ADARB2: variants seen among roughly 807,000 people sequenced by gnomAD.
ADARB2 encodes inactive double-stranded RNA-specific editase B2.
ADARB2 carries 25 observed loss-of-function variants against 62.2 expected under a neutral mutation model. That is an observed-to-expected ratio of 0.40 (90% confidence interval 0.29 to 0.56). The LOEUF (loss-of-function observed/expected upper bound fraction) is 0.56. Ranked by LOEUF, ADARB2 falls within the 20% of genes least tolerant of loss-of-function variation. ADARB2 has a pLI of 0.43. For synonymous variants in ADARB2, 572 were observed against 500.8 expected (o/e 1.14, Z -1.90); for missense variants, 1,071 against 1,077.4 (o/e 0.99, Z 0.08).
At chr10:1,476,060 G>A (rs539503171) in intron 1 of ADARB2, among the ~76,000 whole-genome samples, 7 of 152,284 alleles carry the variant, frequency 4.6e-5, no homozygotes, top group Non-Finnish European at 8.8e-5. Context: ...GCATTTTGAA[G>A]GTGGGAAATT....
chr10:1,359,195 G>A (rs1193218282), intron 3 of ADARB2, among the ~76,000 whole-genome samples: 1 of 152,072 alleles, frequency 6.6e-6, no homozygotes, highest in Non-Finnish European at 1.5e-5. Flanking sequence ...GAGCATGAGG[G>A]GTTTGCAATG....
chr10:1,519,621 CGGGCCCTACCTTT>C (rs925728144), intron 1 of ADARB2, among the ~76,000 whole-genome samples: 1 of 152,134 alleles, frequency 6.6e-6, no homozygotes, highest in Admixed American at 6.5e-5. Flanking sequence ...CTGTCAGCCC[CGGGCCCTACCTTT>C]GGGTCCGTTT....
chr10:1,449,494 C>T (rs1241622710), intron 1 of ADARB2, among the ~76,000 whole-genome samples: 2 of 152,252 alleles, frequency 1.3e-5, no homozygotes, highest in Non-Finnish European at 1.5e-5. Flanking sequence ...GTGACTTCTG[C>T]TTCCTCTCCC....
chr10:1,266,666 C>T (rs1207444973), intron 4 of ADARB2, among the ~76,000 whole-genome samples: 1 of 152,102 alleles, frequency 6.6e-6, no homozygotes, highest in Non-Finnish European at 1.5e-5. Flanking sequence ...ACCAGTCTAA[C>T]GTCTCGTTCA....
At chr10:1,657,696 C>T (rs543565159) in intron 1 of ADARB2, among the ~76,000 whole-genome samples, 16 of 152,294 alleles carry the variant, frequency 1.1e-4, no homozygotes, top group Non-Finnish European at 1.8e-4. Context: ...TCCTCTAAGC[C>T]GAGCGCAGGG....
At chr10:1,199,846 A>G in intron 8 of ADARB2, 120 bp downstream of exon 8, 2 of 1,109,932 alleles carry the variant, frequency 1.8e-6, no homozygotes, top group Non-Finnish European at 2.5e-6. Flanking sequence ...TGCCCATTAA[A>G]TCCTAAATTG....
At chr10:1,332,276 C>T (rs113728369) in intron 3 of ADARB2, among the ~76,000 whole-genome samples, 2 of 151,988 alleles carry the variant, frequency 1.3e-5, no homozygotes, top group Admixed American at 6.6e-5. Flanking sequence ...CGGTGGTGGA[C>T]GTCTATAGTC....
At chr10:1,214,536 G>A (rs2131752282) in intron 7 of ADARB2, among the ~76,000 whole-genome samples, 1 of 152,102 alleles carries the variant, frequency 6.6e-6, no homozygotes, top group African/African-American at 2.4e-5. Flanking sequence ...GCGTGGGTTT[G>A]CACCTGTGCC....
intron 1 of ADARB2, among the ~76,000 whole-genome samples, chr10:1,572,202 A>T (rs1019656493): frequency 5.5e-5 from 8 of 146,562 alleles, no homozygotes; most frequent in African/African-American, 1.8e-4. Flanking sequence ...TGTGCTGGTG[A>T]GTGTGCAGGT....
chr10:1,536,908 A>G (rs1832339752), intron 1 of ADARB2, among the ~76,000 whole-genome samples: 1 of 152,218 alleles, frequency 6.6e-6, no homozygotes, highest in Non-Finnish European at 1.5e-5. Context: ...ATGGGCAAAG[A>G]CTTCATGACG....
Position 1,546,547 on chromosome 10 carries a change from C to A in ADARB2, c.101-167387G>T, listed in dbSNP as rs576883602. Among the ~76,000 whole-genome samples the A allele has an allele frequency of 7.1e-4, 108 of 152,366 alleles. 1 individual carries two copies. The highest frequency in any genetic ancestry group is 1.3e-3 in the Non-Finnish European group (91 of 68,024). On this transcript the variant is annotated intron_variant, in intron 1 of 9. Coordinates refer to ENST00000381312, the MANE Select transcript of ADARB2 (RefSeq NM_018702.4). ...CTGTGGCTCTCCAATCACAACACTG[C>A]CACCACAAGTCACTGGAGAAGGGGC...
intron 1 of ADARB2, among the ~76,000 whole-genome samples, chr10:1,603,691 ATCTT>A (rs1833459582): frequency 8.3e-6 from 1 of 120,294 alleles, no homozygotes; most frequent in African/African-American, 2.7e-5. Flanking sequence ...TAGAGCTGTG[ATCTT>A]TTTTTTTTTT....
intron 2 of ADARB2, among the ~76,000 whole-genome samples, chr10:1,364,873 T>A (rs1188781406): frequency 8.2e-3 from 53 of 6,434 alleles, no homozygotes; most frequent in Admixed American, 0.016. Flanking sequence ...TTTTGGTAAT[T>A]TTTTTTTTTT....
chr10:1,455,120 T>G (rs1319111602), intron 1 of ADARB2, among the ~76,000 whole-genome samples: 1 of 152,206 alleles, frequency 6.6e-6, no homozygotes, highest in Non-Finnish European at 1.5e-5. Flanking sequence ...ACAGTTTATT[T>G]ACAGGCAAAG....
At chr10:1,385,582 T>C (rs1035771712) in intron 1 of ADARB2, among the ~76,000 whole-genome samples, 5 of 151,220 alleles carry the variant, frequency 3.3e-5, no homozygotes, top group African/African-American at 1.2e-4. Context: ...ATAGAAACAA[T>C]CAAAACTAAG....
intron 1 of ADARB2, among the ~76,000 whole-genome samples, chr10:1,440,795 T>G (rs915539315): frequency 1.3e-5 from 2 of 152,202 alleles, no homozygotes; most frequent in African/African-American, 4.8e-5. Context: ...GAGATGAAAC[T>G]GTTTTAAGTA....
chr10:1,439,591 C>G (rs55694950), intron 1 of ADARB2, among the ~76,000 whole-genome samples: 9 of 89,474 alleles, frequency 1.0e-4, no homozygotes, highest in Non-Finnish European at 1.7e-4. Context: ...TGAGTCTCTC[C>G]CAGGATGGAG....
chr10:1,585,614 G>A (rs1052075534), intron 1 of ADARB2, among the ~76,000 whole-genome samples: 4 of 152,132 alleles, frequency 2.6e-5, no homozygotes, highest in African/African-American at 4.8e-5. Flanking sequence ...TTGTGTATTC[G>A]GTGAAAAGCT....
At chr10:1,280,795 G>A (rs1003010956) in intron 3 of ADARB2, among the ~76,000 whole-genome samples, 2 of 152,174 alleles carry the variant, frequency 1.3e-5, no homozygotes, top group Admixed American at 6.5e-5. Flanking sequence ...GTGATGCTCC[G>A]TGTTTGCCTC....
Sources: gnomAD v4.1 joint callset for allele counts (sites outside exome capture counted in the v4.1 genomes callset) on GRCh38, gnomAD v4.1.1 for gene constraint, MANE v1.5 for transcripts, NCBI Gene and HGNC (gene_info 2026-07-23, HGNC 2026-07-21) for gene names.